SERINC4: variants seen among roughly 807,000 people sequenced by gnomAD.
The protein encoded by SERINC4 is serine incorporator 4.
Under a neutral mutation model 52.0 loss-of-function variants are expected in SERINC4, and 52 were observed. The observed-to-expected ratio is 1.00, with a 90% CI of 0.80 to 1.26. SERINC4 has a LOEUF of 1.26. SERINC4 is among the 50% of genes most tolerant of loss of function. SERINC4 has a pLI of 0.00. For synonymous variants in SERINC4, 264 were observed against 247.7 expected, an observed-to-expected ratio of 1.07 and a Z score of -0.62; for missense variants, 723 against 632.8, an observed-to-expected ratio of 1.14 and a Z score of -1.53.
At chr15:43,796,306 C>T in intron 8 of SERINC4, 79 bp from the exon 9 acceptor site, 1 of 1,080,846 alleles carries the variant, frequency 9.3e-7, no homozygotes, top group Non-Finnish European at 1.4e-6. Flanking sequence ...TTGGTCCATA[C>T]TGGTAATCCT....
In SERINC4 at chr15:43,794,689, TC is replaced by T; in HGVS notation, c.*310del. On this transcript the variant is annotated 3_prime_UTR_variant, in exon 12 of 12. Coordinates refer to ENST00000319327, the MANE Select transcript of SERINC4 (RefSeq NM_001258031.2). ...CTGTTGGTCTTTCCCCACCCCCACTTCCAGCCCAAGAGCCAGGAAAGGGCTG... is the reference window on the plus strand; with the variant it reads ...CTGTTGGTCTTTCCCCACCCCCACTTCAGCCCAAGAGCCAGGAAAGGGCTG... 1 of 285,762 alleles carries T rather than the reference TC, an allele frequency of 3.5e-6. No individual in the cohort carries two copies. 17.7% of individuals were successfully genotyped at this position (285,762 alleles called of 1,614,324 possible).
Position 43,796,149 on chromosome 15 carries a change from C to T in SERINC4, c.1140+6G>A. 1.2e-6 allele frequency: 2 copies of T among 1,609,064 alleles called. No homozygotes were observed. The highest frequency in any genetic ancestry group is 1.7e-6 in the Non-Finnish European group (2 of 1,175,462). Reference sequence around the variant, plus strand: ...GTGTTGGGGATATGGAGCTCTTTATCCTCACCTGAAACTCATAGCTGTAAA... The same window carrying T: ...GTGTTGGGGATATGGAGCTCTTTATTCTCACCTGAAACTCATAGCTGTAAA... On this transcript the variant is annotated splice_donor_region_variant and intron_variant, in intron 9 of 11. Coordinates refer to ENST00000319327, the MANE Select transcript of SERINC4 (RefSeq NM_001258031.2).
At chr15:43,796,271 A>G (rs1323456210) in intron 8 of SERINC4, 44 bp from the exon 9 acceptor site, 1 of 1,470,900 alleles carries the variant, frequency 6.8e-7, no homozygotes, top group Non-Finnish European at 9.5e-7. Context: ...TTAAATAGGG[A>G]TTATCTGGGG....
chr15:43,796,864 G>A lies in SERINC4; in HGVS notation c.921C>T (p.Ser307=). 1 of 1,614,038 alleles carries A rather than the reference G, an allele frequency of 6.2e-7. No individual in the cohort carries two copies. The highest frequency in any genetic ancestry group is 8.5e-7 in the Non-Finnish European group (1 of 1,179,946). ...YIMYLTFSAL[S]SRPPERVILQ... The stretch of plus-strand genomic sequence containing the variant: ...CCTTACCTCTCTCTGGAGGACGGCT[G>A]GACAGTGCAGAGAAAGTCAGATACA... Residue 307 remains serine, a synonymous_variant, in exon 7 of 12, where the codon TCC becomes TCT. Transcript: ENST00000319327.
Position 43,795,165 on chromosome 15 carries a change from G to A in SERINC4, c.1392C>T (p.Ala464=), listed in dbSNP as rs368021438. 2.5e-5 allele frequency: 40 copies of A among 1,614,010 alleles called. No homozygotes were observed. The highest frequency in any genetic ancestry group is 3.3e-5 in the Non-Finnish European group (39 of 1,180,026). Residue 464 remains alanine, a synonymous_variant, in exon 12 of 12, where the codon GCC becomes GCT. Coordinates refer to ENST00000319327, the MANE Select transcript of SERINC4 (RefSeq NM_001258031.2). ...ATGAGGCAACCTTGACCCAGAAGGTGGCCCAGCTACCCTTGATGAAGGTCT... is the reference window on the plus strand; with the variant it reads ...ATGAGGCAACCTTGACCCAGAAGGTAGCCCAGCTACCCTTGATGAAGGTCT... ...LEKTFIKGSW[A]TFWVKVASCW...
chr15:43,797,085 T>C, intron 6 of SERINC4, 60 bp downstream of exon 6: 1 of 1,484,728 alleles, frequency 6.7e-7, no homozygotes, highest in Non-Finnish European at 9.2e-7. Flanking sequence ...AGGGAGGTAA[T>C]GAAACTTGCT....
intron 9 of SERINC4, 115 bp from the exon 10 acceptor site, chr15:43,795,851 G>A: frequency 9.5e-7 from 1 of 1,051,294 alleles, no homozygotes; most frequent in East Asian, 2.5e-5. Flanking sequence ...GCACACCTGG[G>A]TTCAAATTCT....
At chr15:43,795,805 C>T (rs2087201817) in intron 9 of SERINC4, 69 bp from the exon 10 acceptor site, 6 of 1,529,040 alleles carry the variant, frequency 3.9e-6, no homozygotes, top group Non-Finnish European at 5.4e-6. Context: ...GGAAACTTCC[C>T]CCGTGAAAAG....
At chr15:43,795,299 ACC>A in intron 11 of SERINC4, 86 bp from the exon 12 acceptor site, 1 of 1,590,072 alleles carries the variant, frequency 6.3e-7, no homozygotes, top group Non-Finnish European at 8.6e-7. Flanking sequence ...ATAATGGCAG[ACC>A]CATGTGTGTC....
intron 5 of SERINC4, 148 bp downstream of exon 5, chr15:43,797,772 C>T (rs368393620): frequency 4.3e-5 from 27 of 623,104 alleles, no homozygotes; most frequent in African/African-American, 2.2e-4. Context: ...ACTTGGCCCA[C>T]GCAGTCATCA....
intron 4 of SERINC4, 82 bp from the exon 5 acceptor site, chr15:43,798,095 G>GCCT (rs1392344024): frequency 1.0e-6 from 1 of 1,003,902 alleles, no homozygotes; most frequent in African/African-American, 1.6e-5. Context: ...TGTCACCCAG[G>GCCT]CTAGAGTGCA....
chr15:43,795,655 A>G (rs1467333209), intron 10 of SERINC4, 33 bp downstream of exon 10: 3 of 1,609,984 alleles, frequency 1.9e-6, no homozygotes, highest in Admixed American at 3.3e-5. Context: ...ACAGAGATCT[A>G]CCACTTCTTA....
rs1491387576 is a variant in SERINC4 at position 43,799,152 on chromosome 15, G to GT, written c.280-16_280-15insA. 16 of 1,117,006 alleles carry GT rather than the reference G, an allele frequency of 1.4e-5. No individual in the cohort carries two copies. In the African/African-American group the frequency reaches 2.4e-4, roughly 17 times the overall value. 69.2% of individuals were successfully genotyped at this position (1,117,006 alleles called of 1,614,324 possible). On this transcript the variant is annotated splice_polypyrimidine_tract_variant and intron_variant, in intron 2 of 11. Transcript: ENST00000319327. Reference sequence around the variant, plus strand: ...GGCATCTGGATCTGGGAGTGTGTGTGAGAGAAATGGCAGGACAAGTCATAA... The same window carrying GT: ...GGCATCTGGATCTGGGAGTGTGTGTGTAGAGAAATGGCAGGACAAGTCATAA...
In SERINC4 at chr15:43,797,954, TA is replaced by T. The variant is rs1359768457; in HGVS notation, c.597del (p.Ile200LeufsTer31). ...GFAFILLQLV[L>X]ITAFAHSWNK... ...TTCCAGGAATGGGCAAAAGCTGTAA[TA>T]AGCACCAACTGCAGTAGGATGAATG... On this transcript the variant is annotated frameshift_variant, in exon 5 of 12. Coordinates refer to ENST00000319327, the MANE Select transcript of SERINC4 (RefSeq NM_001258031.2). LOFTEE classifies it high-confidence loss of function. 2 of 1,613,790 alleles carry T rather than the reference TA, an allele frequency of 1.2e-6. No individual in the cohort carries two copies. The highest frequency in any genetic ancestry group is 1.7e-6 in the Non-Finnish European group (2 of 1,179,844).
intron 1 of SERINC4, 58 bp from the exon 2 acceptor site, chr15:43,799,544 G>GT: frequency 6.5e-7 from 1 of 1,535,558 alleles, no homozygotes; most frequent in Non-Finnish European, 8.8e-7. Context: ...AAAGGCATAC[G>GT]TTAATGTATG....
At chr15:43,798,597 A>G in intron 3 of SERINC4, 93 bp from the exon 4 acceptor site, 1 of 928,024 alleles carries the variant, frequency 1.1e-6, no homozygotes, top group Non-Finnish European at 1.7e-6. Flanking sequence ...GAAACCAAAA[A>G]TATAGGAAAG....
At chr15:43,796,509 T>A (rs2087219276) in intron 8 of SERINC4, 107 bp downstream of exon 8, 15 of 1,257,734 alleles carry the variant, frequency 1.2e-5, no homozygotes, top group Non-Finnish European at 1.7e-5. Context: ...TTTCTCACTC[T>A]AGTCTTGCTC....
rs566011204 is a variant in SERINC4, at chr15:43,796,948, G to A, written c.845-8C>T. The A allele has an allele frequency of 1.2e-6, 2 of 1,609,350 alleles. No individual in the cohort carries two copies. Among genetic ancestry groups the A allele is most frequent in the East Asian group, 2.2e-5 (1 of 44,870 alleles). On this transcript the variant is annotated splice_region_variant and splice_polypyrimidine_tract_variant and intron_variant, in intron 6 of 11. Transcript: ENST00000319327. ...GGCCAGAGCGGGGTTGCTCTGGGGA[G>A]TAAGTATAATTGCTTTAGTCTACAG...
In SERINC4 at chr15:43,797,218, C is replaced by A; in HGVS notation, c.771G>T (p.Lys257Asn). 1.9e-6 allele frequency: 3 copies of A among 1,550,750 alleles called. No individual in the cohort carries two copies. The highest frequency in any genetic ancestry group is 2.6e-6 in the Non-Finnish European group (3 of 1,146,980). ...YTHPAGCLLN[K>N]MLLSLHLCFC... ...AGCAAAGGTGCAGACTGAGGAGCAT[C>A]TTGTTAAGCAGGCAGCCAGCTGGGT... Residue 257 changes from lysine (K) to asparagine (N), a missense_variant, in exon 6 of 12, where the codon AAG becomes AAT. By Grantham distance (94) the Lys-to-Asn change is moderately conservative. Transcript: ENST00000319327.
Sources: gnomAD v4.1 joint callset for allele counts on GRCh38, gnomAD v4.1.1 for gene constraint, MANE v1.5 for transcripts, NCBI Gene and HGNC (gene_info 2026-07-23, HGNC 2026-07-21) for gene names.